The following HCCS variants were observed in gnomAD, a reference collection of about 807,000 sequenced individuals.
HCCS encodes holocytochrome c synthase, also known as holocytochrome c-type synthase.
A neutral mutation model predicts 24.2 loss-of-function variants in HCCS; 2 were observed. The observed-to-expected ratio is 0.08, with a 90% CI of 0.03 to 0.26. HCCS has a LOEUF of 0.26. HCCS is among the 10% of genes least tolerant of loss of function. The pLI is 1.00. For missense variants in HCCS, 150 were observed against 213.3 expected (o/e 0.70, Z 1.85); for synonymous variants, 73 against 76.2 (o/e 0.96, Z 0.22).
intron 5 of HCCS, 135 bp downstream of exon 5, chrX:11,118,755 C>A: frequency 1.5e-6 from 1 of 655,262 alleles, no homozygotes; most frequent in Non-Finnish European, 2.4e-6. Context: ...ACAATTGTTG[C>A]ATGACAGGCC....
At chrX:11,120,607 A>G (rs748961232) in intron 5 of HCCS, among the ~76,000 whole-genome samples, 5 of 110,143 alleles carry the variant, frequency 4.5e-5, no homozygotes, top group African/African-American at 6.6e-5. Context: ...TTTTTTTTTA[A>G]TTTGCCTTTC....
chrX:11,116,250 C>T (rs1381075330), intron 3 of HCCS: 3 of 111,933 alleles, frequency 2.7e-5, no homozygotes, highest in Non-Finnish European at 5.6e-5. Flanking sequence ...CCCCTTTAAT[C>T]CTCATAACAA....
intron 3 of HCCS, among the ~76,000 whole-genome samples, chrX:11,115,575 C>T (rs1215045747): frequency 9.0e-6 from 1 of 111,555 alleles, no homozygotes; most frequent in Non-Finnish European, 1.9e-5. Context: ...ACAGGATTAT[C>T]AAGAATAGAA....
intron 3 of HCCS, chrX:11,115,962 T>TG (rs2045445048): frequency 8.9e-6 from 1 of 111,887 alleles, no homozygotes; most frequent in Non-Finnish European, 1.9e-5. Flanking sequence ...CTCTAATAGG[T>TG]GAGTGGTTCA....
intron 1 of HCCS, 144 bp downstream of exon 1, chrX:11,111,662 A>G (rs754401781): frequency 5.2e-5 from 10 of 194,116 alleles, no homozygotes; most frequent in Non-Finnish European, 9.5e-5. Context: ...GATGGGGGTC[A>G]AGTCTAGGCT....
Position 11,114,951 on chromosome X carries a change from G to C in HCCS, c.217G>C (p.Ala73Pro). Residue 73 changes from alanine to proline, a missense_variant, in exon 3 of 7, where the codon GCT (alanine) becomes CCT (proline). By Grantham distance (27) the Ala-to-Pro change is conservative. This residue lies in a region of HCCS where 95 missense variants were observed against 79.1 expected (regional missense o/e 1.20). Coordinates refer to ENST00000380762, the MANE Select transcript of HCCS (RefSeq NM_005333.5). ...GGAGTGTCCCATTAGGGGCACTGCGGCTGAGAATAAGGAGAACCTAGATCC... is the reference window on the plus strand; with the variant it reads ...GGAGTGTCCCATTAGGGGCACTGCGCCTGAGAATAAGGAGAACCTAGATCC... ...YVECPIRGTA[A>P]ENKENLDPSN... 6 of 1,208,771 alleles carry C rather than the reference G, an allele frequency of 5.0e-6. No homozygotes were observed. Among genetic ancestry groups the C allele is most frequent in the Non-Finnish European group, 6.7e-6 (6 of 892,635 alleles).
intron 4 of HCCS, among the ~76,000 whole-genome samples, chrX:11,117,873 C>G (rs754774388): frequency 4.5e-5 from 5 of 111,843 alleles, no homozygotes; most frequent in African/African-American, 6.5e-5. Context: ...AGAAGGCCTT[C>G]CCTCTTACTC....
chrX:11,114,403 A>G (rs2045433620), intron 2 of HCCS, among the ~76,000 whole-genome samples: 1 of 111,783 alleles, frequency 8.9e-6, no homozygotes, highest in African/African-American at 3.3e-5. Flanking sequence ...CTGTGTCCTG[A>G]TTGGATCTGG....
intron 3 of HCCS, among the ~76,000 whole-genome samples, chrX:11,116,875 T>A (rs1303561051): frequency 8.9e-6 from 1 of 112,892 alleles, no homozygotes; most frequent in African/African-American, 3.2e-5. Flanking sequence ...AGCATTGCTG[T>A]ACATGTGTGC....
At position 11,118,550 on chromosome X, in the gene HCCS, A is replaced by G. The variant is rs1035855039; in HGVS notation, c.451A>G (p.Ile151Val). 1 of 1,181,692 alleles carries G rather than the reference A, an allele frequency of 8.5e-7. No individual in the cohort carries two copies. Among genetic ancestry groups the G allele is most frequent in the Non-Finnish European group, 1.2e-6 (1 of 869,263 alleles). The change falls in exon 5 of 7, where the codon ATT becomes GTT. Residue 151 changes from isoleucine (I) to valine (V), a missense_variant. Coordinates refer to ENST00000380762, the MANE Select transcript of HCCS (RefSeq NM_005333.5). The part of the protein sequence containing the change: ...DISQKDMYNI[I>V]RIHNQNNEQA... ...CAGTCAGAAGGATATGTATAATATC[A>G]TTAGAATTCACAATCAGAATAACGA...
chrX:11,121,898 G>A lies in HCCS; in HGVS notation c.*88G>A, dbSNP rs1011039063. 5.3e-6 allele frequency: 4 copies of A among 750,894 alleles called. No homozygotes were observed. In the African/African-American group the frequency reaches 8.3e-5, roughly 16 times the overall value. 61.9% of individuals were successfully genotyped at this position (750,894 alleles called of 1,213,427 possible). On this transcript the variant is annotated 3_prime_UTR_variant, in exon 7 of 7. Coordinates refer to ENST00000380762, the MANE Select transcript of HCCS (RefSeq NM_005333.5). Reference sequence around the variant, plus strand: ...CCCCAGATTGAATTGCACTCATGATGTAATGGGAACTTCAAGTGGGTAATC... The same window carrying A: ...CCCCAGATTGAATTGCACTCATGATATAATGGGAACTTCAAGTGGGTAATC...
In HCCS at chrX:11,120,047, T is replaced by C. The variant is rs755537648; in HGVS notation, c.522-860T>C. On this transcript the variant is annotated intron_variant, in intron 5 of 6. Coordinates refer to ENST00000380762, the MANE Select transcript of HCCS (RefSeq NM_005333.5). ...AGATGTTAAGGAGAGGAGTAGTTCC[T>C]AAAAGGAGAAGAAAAGTAACTCATA... The C allele has an allele frequency of 1.6e-3, 504 of 323,350 alleles. 2 individuals carry two copies. Among genetic ancestry groups the C allele is most frequent in the Middle Eastern group, 2.2e-3 (5 of 2,238 alleles). 26.6% of individuals were successfully genotyped at this position (323,350 alleles called of 1,213,427 possible). A position where few individuals can be genotyped will look rare whatever the true frequency, so the allele number is the denominator to read the frequency against.
intron 5 of HCCS, chrX:11,119,956 A>G (rs974207841): frequency 1.6e-5 from 5 of 317,887 alleles, no homozygotes; most frequent in Middle Eastern, 5.2e-4. Flanking sequence ...AACTCATGCT[A>G]TGATCTCCAG....
At chrX:11,115,103 G>T (rs2045438760) in intron 3 of HCCS, 117 bp downstream of exon 3, 2 of 637,417 alleles carry the variant, frequency 3.1e-6, no homozygotes, top group Non-Finnish European at 5.2e-6. Flanking sequence ...AAACAGAGAA[G>T]TTAGATATTC....
At chrX:11,120,865 A>C (rs1373358184) in intron 5 of HCCS, 42 bp from the exon 6 acceptor site, 5 of 1,085,507 alleles carry the variant, frequency 4.6e-6, no homozygotes, top group Non-Finnish European at 6.4e-6. Flanking sequence ...GTCAAAGAAA[A>C]GAAAATATTT....
chrX:11,120,098 C>CCTG, intron 5 of HCCS: 2 of 277,542 alleles, frequency 7.2e-6, no homozygotes, highest in Admixed American at 4.3e-5. Flanking sequence ...GTCCTTTATA[C>CCTG]TTTGGAAATT....
At chrX:11,120,808 A>G (rs1412657145) in intron 5 of HCCS, 99 bp from the exon 6 acceptor site, 10 of 666,256 alleles carry the variant, frequency 1.5e-5, no homozygotes, top group Non-Finnish European at 2.2e-5. Context: ...TGTGAAATGT[A>G]TACAGGAAAA....
chrX:11,121,788 C>G lies in HCCS; in HGVS notation c.785C>G (p.Ala262Gly), dbSNP rs757388811. ...LSAVWDRMKV[A>G]WWRWTS ...GCAGTATGGGACAGAATGAAAGTCG[C>G]TTGGTGGCGTTGGACCTCGTAAAGC... The change falls in exon 7 of 7, where the codon GCT becomes GGT. Residue 262 changes from alanine (A) to glycine (G), a missense_variant. Ala to Gly is a moderately conservative substitution (Grantham distance 60). Around this residue, in one of 2 missense-constraint regions of HCCS, gnomAD observed 55 missense variants for 134.2 expected, o/e 0.41. Transcript: ENST00000380762. 7.4e-6 allele frequency: 9 copies of G among 1,208,056 alleles called. No individual in the cohort carries two copies. The East Asian group carries it at 2.7e-4, about 36-fold the overall frequency.
chrX:11,113,615 C>G (rs1333755352), intron 2 of HCCS, among the ~76,000 whole-genome samples: 2 of 112,013 alleles, frequency 1.8e-5, no homozygotes, highest in Admixed American at 9.4e-5. Context: ...ATTCTAGAAC[C>G]CTTACTTTGG....
Sources: gnomAD v4.1 joint callset for allele counts (sites outside exome capture counted in the v4.1 genomes callset) on GRCh38, gnomAD v4.1.1 for gene constraint, gnomAD v4.1.1 regional missense constraint, MANE v1.5 for transcripts, NCBI Gene and HGNC (gene_info 2026-07-23, HGNC 2026-07-21) for gene names.